Variants in EML4 observed in about 807,000 individuals in gnomAD.
EML4 encodes EMAP like 4.
EML4 carries 72 observed loss-of-function variants against 129.0 expected under a neutral mutation model. The observed-to-expected ratio is 0.56, with a 90% CI of 0.46 to 0.68. EML4 has a LOEUF of 0.68. Among genes scored for constraint, EML4 ranks in the 30% least tolerant of loss-of-function variants. EML4 has a pLI of 0.00. For synonymous variants in EML4, 532 were observed against 405.0 expected, an observed-to-expected ratio of 1.31 and a Z score of -3.77; for missense variants, 1,363 against 1,190.6, an observed-to-expected ratio of 1.14 and a Z score of -2.13.
chr2:42,185,535 C>G (rs1671200699), intron 1 of EML4, among the ~76,000 whole-genome samples: 1 of 152,146 alleles, frequency 6.6e-6, no homozygotes, highest in Non-Finnish European at 1.5e-5. Flanking sequence ...TGATTTACTT[C>G]TAGGCAGTTA....
chr2:42,292,049 T>C (rs1367956801), intron 11 of EML4, among the ~76,000 whole-genome samples: 1 of 152,250 alleles, frequency 6.6e-6, no homozygotes, highest in Non-Finnish European at 1.5e-5. Context: ...GCATGTAAGT[T>C]GATAATAGCC....
intron 1 of EML4, among the ~76,000 whole-genome samples, chr2:42,244,474 T>C (rs1675256492): frequency 6.6e-6 from 1 of 152,244 alleles, no homozygotes; most frequent in African/African-American, 2.4e-5. Flanking sequence ...TACATAACTT[T>C]GCAAGTCCTT....
intron 6 of EML4, 54 bp downstream of exon 6, chr2:42,264,785 T>C: frequency 7.0e-7 from 1 of 1,433,430 alleles, no homozygotes; most frequent in South Asian, 1.2e-5. Context: ...GTTTAATTTT[T>C]GCTAATTGAA....
intron 19 of EML4, chr2:42,319,916 A>AAT (rs1669433349): frequency 6.6e-6 from 1 of 152,232 alleles, no homozygotes; most frequent in Non-Finnish European, 1.5e-5. Flanking sequence ...AGTGTCACTA[A>AAT]TAAACTATGA....
intron 1 of EML4, among the ~76,000 whole-genome samples, chr2:42,188,343 G>A (rs1671384261): frequency 2.0e-5 from 3 of 151,970 alleles, no homozygotes; most frequent in African/African-American, 4.8e-5. Flanking sequence ...CACTCACCTC[G>A]CGGAGTAGCT....
At position 42,328,960 on chromosome 2, in the gene EML4, G is replaced by C; in HGVS notation, c.2416G>C (p.Val806Leu). The C allele has an allele frequency of 6.2e-7, 1 of 1,613,514 alleles. No homozygotes were observed. The highest frequency in any genetic ancestry group is 1.8e-4 in the Middle Eastern group (1 of 5,680). The change falls in exon 22 of 23, where the codon GTT becomes CTT. Residue 806 changes from valine (V) to leucine (L), a missense_variant. By Grantham distance (32) the Val-to-Leu change is conservative (BLOSUM62 1). Coordinates refer to ENST00000318522, the MANE Select transcript of EML4 (RefSeq NM_019063.5). ...ATCCCACAATAGAAAGGTGATAGCT[G>C]TTGCCGATGACTTTTGTAAAGTCCA... is the stretch of plus-strand genomic sequence containing the variant. ...VRSHNRKVIA[V>L]ADDFCKVHLF... is the part of the protein sequence containing the mutation.
chr2:42,328,178 C>T (rs562651374), intron 21 of EML4, among the ~76,000 whole-genome samples: 74 of 152,248 alleles, frequency 4.9e-4, no homozygotes, highest in African/African-American at 1.7e-3. Context: ...TTACCAAAAA[C>T]ATATTTGTTC....
In EML4 at chr2:42,330,292, G is replaced by A; in HGVS notation, c.*85G>A. The A allele has an allele frequency of 1.7e-6, 2 of 1,203,930 alleles. No homozygotes were observed. The highest frequency in any genetic ancestry group is 2.4e-6 in the Non-Finnish European group (2 of 822,202). 74.6% of individuals were successfully genotyped at this position (1,203,930 alleles called of 1,614,324 possible). A position where few individuals can be genotyped will look rare whatever the true frequency, so the allele number is the denominator to read the frequency against. Reference sequence around the variant, plus strand: ...AGGTAACAGGATGGGCAGTGATGGAGAATCACTGTTGATTGAGATTTTGGT... The same window carrying A: ...AGGTAACAGGATGGGCAGTGATGGAAAATCACTGTTGATTGAGATTTTGGT... On this transcript the variant is annotated 3_prime_UTR_variant, in exon 23 of 23. Coordinates refer to ENST00000318522, the MANE Select transcript of EML4 (RefSeq NM_019063.5).
At chr2:42,214,719 G>C (rs571794099) in intron 1 of EML4, among the ~76,000 whole-genome samples, 108 of 152,126 alleles carry the variant, frequency 7.1e-4, no homozygotes, top group Non-Finnish European at 2.1e-4. Context: ...TGTCTGGTGC[G>C]TTAGCCGGGA....
chr2:42,239,448 T>C (rs1674877222), intron 1 of EML4, among the ~76,000 whole-genome samples: 1 of 152,208 alleles, frequency 6.6e-6, no homozygotes, highest in Admixed American at 6.5e-5. Context: ...TAAACTGTAA[T>C]ATTTCAAACT....
intron 1 of EML4, among the ~76,000 whole-genome samples, chr2:42,173,175 CTG>C (rs1383459413): frequency 6.6e-6 from 1 of 152,232 alleles, no homozygotes; most frequent in African/African-American, 2.4e-5. Flanking sequence ...ATTGTTAGAA[CTG>C]TGATTTCTCA....
intron 1 of EML4, among the ~76,000 whole-genome samples, chr2:42,219,376 C>T (rs1673411686): frequency 6.6e-6 from 1 of 152,108 alleles, no homozygotes; most frequent in African/African-American, 2.4e-5. Context: ...CTTGAGTATG[C>T]CCGGACTTGG....
chr2:42,213,632 C>T (rs902858222), intron 1 of EML4, among the ~76,000 whole-genome samples: 1 of 152,166 alleles, frequency 6.6e-6, no homozygotes, highest in African/African-American at 2.4e-5. Flanking sequence ...AGCCTGTTGT[C>T]TCCCTTTTTC....
intron 17 of EML4, among the ~76,000 whole-genome samples, chr2:42,311,831 T>C (rs1188869866): frequency 6.6e-6 from 1 of 152,128 alleles, no homozygotes; most frequent in East Asian, 1.9e-4. Flanking sequence ...TGCAATAAAG[T>C]GTATGTCTTA....
At chr2:42,174,927 C>G (rs34514834) in intron 1 of EML4, among the ~76,000 whole-genome samples, 77,233 of 150,868 alleles carry the variant, frequency 0.51, 20,144 homozygotes, top group Middle Eastern at 0.79. Flanking sequence ...AGGCAGTTAT[C>G]TGCCTCAGCC....
At chr2:42,295,560 T>C (rs1314649685) in intron 13 of EML4, 44 bp downstream of exon 13, 1 of 1,571,522 alleles carries the variant, frequency 6.4e-7, no homozygotes, top group South Asian at 1.2e-5. Context: ...AATTCTCACA[T>C]AGTACTCTTT....
intron 19 of EML4, 75 bp downstream of exon 19, chr2:42,317,599 A>G: frequency 1.6e-5 from 16 of 977,522 alleles, no homozygotes; most frequent in Non-Finnish European, 2.2e-5. Context: ...TTTTACATCG[A>G]TGTGTGTGTT....
In EML4 at chr2:42,212,448, A is replaced by G. The variant is rs139097902; in HGVS notation, c.26-33057A>G. Reference sequence around the variant, plus strand: ...CAGCGTTTTAAAGAAAAGGACAGGAAATACATTAAAAGCAAACTCGGCAGT... The same window carrying G: ...CAGCGTTTTAAAGAAAAGGACAGGAGATACATTAAAAGCAAACTCGGCAGT... On this transcript the variant is annotated intron_variant, in intron 1 of 22. Coordinates refer to ENST00000318522, the MANE Select transcript of EML4 (RefSeq NM_019063.5). Among the ~76,000 whole-genome samples, 600 of 152,286 alleles carry G rather than the reference A, an allele frequency of 3.9e-3. 19 individuals carry two copies. Among genetic ancestry groups the G allele is most frequent in the Non-Finnish European group, 1.0e-3 (70 of 68,024 alleles).
rs532531781 is a variant in EML4, at chr2:42,284,689, G to A, written c.997G>A (p.Asp333Asn). The A allele has an allele frequency of 7.2e-5, 116 of 1,612,620 alleles. No homozygotes were observed. In the South Asian group the frequency reaches 1.1e-3, roughly 16 times the overall value. The change falls in exon 9 of 23, where the codon GAT (aspartate) becomes AAT (asparagine). Residue 333 changes from aspartate to asparagine, a missense_variant. Asp to Asn is a conservative substitution (Grantham distance 23). Transcript: ENST00000318522. ...RIATGQIAGV[D>N]KDGRPLQPHV... is the part of the protein sequence containing the mutation. ...TGCAACTGGACAGATAGCTGGCGTG[G>A]ATAAAGATGGAAGGGTGAGTGGCAT...
Sources: allele counts gnomAD v4.1 joint callset (sites outside exome capture counted in the v4.1 genomes callset), GRCh38; gene constraint gnomAD v4.1.1; transcripts MANE v1.5; gene names NCBI Gene and HGNC (gene_info 2026-07-23, HGNC 2026-07-21).